Variants in PRKG1 observed in about 807,000 individuals in gnomAD.
The protein encoded by PRKG1 is cGMP-dependent protein kinase 1.
PRKG1 carries 35 observed loss-of-function variants against 88.1 expected under a neutral mutation model. The ratio of observed to expected loss-of-function variants is 0.40; its 90% CI spans 0.30 to 0.53. The LOEUF (loss-of-function observed/expected upper bound fraction) is 0.53, where lower values mean the gene tolerates loss of function less well. Ranked by LOEUF, PRKG1 falls within the 20% of genes least tolerant of loss-of-function variation. PRKG1 has a pLI of 0.59. For missense variants in PRKG1, 540 were observed against 839.8 expected, an observed-to-expected ratio of 0.64 and a Z score of 4.41; for synonymous variants, 303 against 292.5, an observed-to-expected ratio of 1.04 and a Z score of -0.37.
At chr10:51,606,113 A>C (rs1343545142) in intron 3 of PRKG1, among the ~76,000 whole-genome samples, 3 of 152,178 alleles carry the variant, frequency 2.0e-5, no homozygotes, top group African/African-American at 7.2e-5. Flanking sequence ...CCTATGGCTA[A>C]ACCTAGCTCA....
chr10:52,073,807 C>T (rs552777656), intron 7 of PRKG1, among the ~76,000 whole-genome samples: 2 of 152,146 alleles, frequency 1.3e-5, no homozygotes, highest in Non-Finnish European at 2.9e-5. Flanking sequence ...TTAATGGAAA[C>T]TGTATCCTGA....
At chr10:51,436,651 T>C (rs972500836) in intron 2 of PRKG1, among the ~76,000 whole-genome samples, 9 of 152,060 alleles carry the variant, frequency 5.9e-5, no homozygotes, top group Non-Finnish European at 1.0e-4. Context: ...TTGGATGTAA[T>C]ATCGCTGTCA....
chr10:52,048,969 C>A (rs1195774155), intron 5 of PRKG1, among the ~76,000 whole-genome samples: 1 of 152,064 alleles, frequency 6.6e-6, no homozygotes, highest in Non-Finnish European at 1.5e-5. Flanking sequence ...TAGCATAAGA[C>A]CTCCAGGTAA....
At chr10:51,088,885 T>C (rs1325489659) in intron 1 of PRKG1, among the ~76,000 whole-genome samples, 1 of 151,908 alleles carries the variant, frequency 6.6e-6, no homozygotes, top group East Asian at 1.9e-4. Flanking sequence ...TACTTCAGTT[T>C]TTAATTTACA....
chr10:51,890,102 C>T (rs1841680192), intron 4 of PRKG1, among the ~76,000 whole-genome samples: 1 of 152,066 alleles, frequency 6.6e-6, no homozygotes, highest in Non-Finnish European at 1.5e-5. Context: ...GTTGTCATTG[C>T]TTTTGGTGTA....
intron 3 of PRKG1, among the ~76,000 whole-genome samples, chr10:51,746,396 G>C (rs1837579552): frequency 6.6e-6 from 1 of 151,808 alleles, no homozygotes; most frequent in Non-Finnish European, 1.5e-5. Flanking sequence ...TTCCTCCTTG[G>C]ACTCAAGCTC....
At chr10:51,846,995 G>C (rs1406035176) in intron 4 of PRKG1, among the ~76,000 whole-genome samples, 1 of 152,134 alleles carries the variant, frequency 6.6e-6, no homozygotes, top group Non-Finnish European at 1.5e-5. Context: ...AAAAAATAAA[G>C]TAGATCAAGT....
At chr10:51,185,811 A>T (rs1462762491) in intron 2 of PRKG1, among the ~76,000 whole-genome samples, 1 of 151,608 alleles carries the variant, frequency 6.6e-6, no homozygotes, top group Non-Finnish European at 1.5e-5. Context: ...TCTTTTTTCT[A>T]TGTATCCTTC....
At chr10:51,854,184 C>T (rs1220223925) in intron 4 of PRKG1, among the ~76,000 whole-genome samples, 1 of 152,044 alleles carries the variant, frequency 6.6e-6, no homozygotes, top group Non-Finnish European at 1.5e-5. Flanking sequence ...CATTATTAAC[C>T]TCCCTCTGTG....
intron 3 of PRKG1, among the ~76,000 whole-genome samples, chr10:51,694,360 TTTTC>T (rs1223987793): frequency 1.3e-5 from 2 of 152,190 alleles, no homozygotes; most frequent in African/African-American, 4.8e-5. Flanking sequence ...ACGTTAACGG[TTTTC>T]TTTCTTAAAT....
chr10:51,967,540 C>A (rs1843602264), intron 5 of PRKG1, among the ~76,000 whole-genome samples: 1 of 151,174 alleles, frequency 6.6e-6, no homozygotes, highest in South Asian at 2.1e-4. Context: ...GCACATGTAC[C>A]CTAAAACCTA....
rs1377115108 is a variant in PRKG1, at chr10:52,251,626, T to C, written c.1133T>C (p.Ile378Thr). The change falls in exon 10 of 18, where the codon ATT (isoleucine) becomes ACT (threonine). Residue 378 changes from isoleucine to threonine, a missense_variant. Ile to Thr is a moderately conservative substitution (Grantham distance 89). Around this residue, in one of 5 missense-constraint regions of PRKG1, gnomAD observed 400 missense variants for 562.7 expected, o/e 0.71. Transcript: ENST00000373980. ...ANLKLSDFNI[I>T]DTLGVGGFGR... ...CTGAAGCTGTCTGATTTCAACATCA[T>C]TGATACCCTTGGAGTTGGAGGTTTC... 6.2e-7 allele frequency: 1 copy of C among 1,613,654 alleles called. No individual in the cohort carries two copies. Among genetic ancestry groups the C allele is most frequent in the Non-Finnish European group, 8.5e-7 (1 of 1,179,654 alleles).
chr10:51,511,737 G>T, intron 3 of PRKG1, among the ~76,000 whole-genome samples: 1 of 152,170 alleles, frequency 6.6e-6, no homozygotes, highest in Non-Finnish European at 1.5e-5. Context: ...AATGTAAATT[G>T]TTACCCTCTC....
At chr10:51,609,423 G>A (rs1156888611) in intron 3 of PRKG1, among the ~76,000 whole-genome samples, 1 of 152,002 alleles carries the variant, frequency 6.6e-6, no homozygotes, top group African/African-American at 2.4e-5. Flanking sequence ...TGTGGAAGAT[G>A]GTGTGGCAAT....
chr10:51,963,665 C>T (rs917355422), intron 5 of PRKG1, among the ~76,000 whole-genome samples: 6 of 152,066 alleles, frequency 3.9e-5, no homozygotes, highest in African/African-American at 1.4e-4. Context: ...CCAGGCTGGT[C>T]TCGAACTCCT....
At chr10:52,270,528 T>C (rs1841694987) in intron 10 of PRKG1, among the ~76,000 whole-genome samples, 1 of 151,988 alleles carries the variant, frequency 6.6e-6, no homozygotes, top group South Asian at 2.1e-4. Context: ...CACCATGGAA[T>C]ACTATGCAGC....
At chr10:51,236,444 G>A (rs186567104) in intron 2 of PRKG1, among the ~76,000 whole-genome samples, 1 of 151,038 alleles carries the variant, frequency 6.6e-6, no homozygotes, top group Non-Finnish European at 1.5e-5. Context: ...GAGGAAAGTA[G>A]TTTGCATTCC....
chr10:51,688,895 T>C (rs1841064187), intron 3 of PRKG1, among the ~76,000 whole-genome samples: 1 of 152,172 alleles, frequency 6.6e-6, no homozygotes, highest in African/African-American at 2.4e-5. Flanking sequence ...GCTCCCATAA[T>C]TCCCATGTGT....
intron 3 of PRKG1, among the ~76,000 whole-genome samples, chr10:51,501,863 T>C (rs186600012): frequency 1.4e-5 from 2 of 147,860 alleles, no homozygotes; most frequent in South Asian, 2.1e-4. Context: ...TGACCAAATA[T>C]GGGCACAGAT....
Sources: gnomAD v4.1 joint callset for allele counts (sites outside exome capture counted in the v4.1 genomes callset) on GRCh38, gnomAD v4.1.1 for gene constraint, gnomAD v4.1.1 regional missense constraint, MANE v1.5 for transcripts, NCBI Gene and HGNC (gene_info 2026-07-23, HGNC 2026-07-21) for gene names.